Variants in ACTL8 observed in about 807,000 individuals in gnomAD.
ACTL8 encodes actin-like protein 8.
A neutral mutation model predicts 9.3 loss-of-function variants in ACTL8; 3 were observed. The ratio of observed to expected loss-of-function variants is 0.32; its 90% confidence interval spans 0.15 to 0.83. The LOEUF is 0.83. ACTL8 is among the 40% of genes least tolerant of loss of function. ACTL8 has a pLI of 0.57. For missense variants in ACTL8, 381 were observed against 492.2 expected (o/e 0.77, Z 2.14); for synonymous variants, 224 against 205.9 (o/e 1.09, Z -0.75).
intron 1 of ACTL8, among the ~76,000 whole-genome samples, chr1:17,760,183 G>C (rs993534139): frequency 6.6e-6 from 1 of 152,174 alleles, no homozygotes; most frequent in African/African-American, 2.4e-5. Flanking sequence ...CTTTGGGAAG[G>C]CCAGGCCACA....
chr1:17,806,747 T>C (rs554356), intron 1 of ACTL8, among the ~76,000 whole-genome samples: 84,999 of 152,172 alleles, frequency 0.56, 24,162 homozygotes, highest in East Asian at 0.75. Flanking sequence ...TAGATTCTTC[T>C]GCAGAGCCCT....
chr1:17,801,135 CTG>C (rs1252162036), intron 1 of ACTL8, among the ~76,000 whole-genome samples: 2 of 152,198 alleles, frequency 1.3e-5, no homozygotes, highest in African/African-American at 4.8e-5. Context: ...GTGTGCCAGA[CTG>C]TGTTGTAGGT....
At chr1:17,759,425 G>A (rs114123949) in intron 1 of ACTL8, among the ~76,000 whole-genome samples, 2,338 of 152,344 alleles carry the variant, frequency 0.015, 70 homozygotes, top group African/African-American at 0.053. Flanking sequence ...TTTGTAGTGG[G>A]TGCCTCTGGT....
At chr1:17,762,616 C>T (rs1388759339) in intron 1 of ACTL8, among the ~76,000 whole-genome samples, 1 of 152,172 alleles carries the variant, frequency 6.6e-6, no homozygotes, top group Non-Finnish European at 1.5e-5. Context: ...TGCACTGTGT[C>T]TGGAGCCCCT....
In ACTL8 at chr1:17,760,878, A is replaced by G. The variant is rs543382232; in HGVS notation, c.-25+5374A>G. ...AGTCAAATAAAATTTCCATCTGTTG[A>G]AGAATTTACGAGAGTTATTACTGGC... On this transcript the variant is annotated intron_variant, in intron 1 of 2. Transcript: ENST00000375406. 6.6e-5 allele frequency among the ~76,000 whole-genome samples: 10 copies of G among 152,320 alleles called. No homozygotes were observed. In the East Asian group the frequency reaches 1.9e-3, roughly 29 times the overall value.
chr1:17,769,057 C>G (rs895469095), intron 1 of ACTL8, among the ~76,000 whole-genome samples: 1 of 152,132 alleles, frequency 6.6e-6, no homozygotes, highest in Non-Finnish European at 1.5e-5. Context: ...GTGACTTGGA[C>G]AAAGTCACAT....
At chr1:17,802,058 G>T (rs1284011558) in intron 1 of ACTL8, among the ~76,000 whole-genome samples, 1 of 152,204 alleles carries the variant, frequency 6.6e-6, no homozygotes, top group Non-Finnish European at 1.5e-5. Flanking sequence ...AGCATGAAGA[G>T]AAACAAGAAA....
rs558322024 is a variant in ACTL8 at position 17,808,135 on chromosome 1, G to A, written c.-24-14850G>A. Among the ~76,000 whole-genome samples, 7 of 152,286 alleles carry A rather than the reference G, an allele frequency of 4.6e-5. No homozygotes were observed. In the South Asian group the frequency reaches 1.5e-3, roughly 32 times the overall value. ...AAAAGTGCTAAGTGGAAAGTTCCTT[G>A]CAAGATGTTTACAATCACAAAGCAA... On this transcript the variant is annotated intron_variant, in intron 1 of 2. Transcript: ENST00000375406.
At chr1:17,788,735 G>A (rs1423033460) in intron 1 of ACTL8, among the ~76,000 whole-genome samples, 1 of 152,240 alleles carries the variant, frequency 6.6e-6, no homozygotes, top group African/African-American at 2.4e-5. Flanking sequence ...CAATGGGCAT[G>A]TGGGGAGGTG....
intron 1 of ACTL8, among the ~76,000 whole-genome samples, chr1:17,775,854 C>A (rs970647857): frequency 6.6e-6 from 1 of 152,142 alleles, no homozygotes; most frequent in Admixed American, 6.5e-5. Flanking sequence ...GTAGACAGAC[C>A]AAGGCTAATG....
intron 1 of ACTL8, among the ~76,000 whole-genome samples, chr1:17,818,662 T>G (rs1465799253): frequency 6.6e-6 from 1 of 152,218 alleles, no homozygotes; most frequent in Non-Finnish European, 1.5e-5. Context: ...CCTCACTTCA[T>G]TCAGTTTTCT....
At chr1:17,801,526 TTATG>T (rs1284251772) in intron 1 of ACTL8, among the ~76,000 whole-genome samples, 1 of 152,218 alleles carries the variant, frequency 6.6e-6, no homozygotes, top group Admixed American at 6.5e-5. Flanking sequence ...AACTCATAAA[TTATG>T]TATTCCATAA....
intron 1 of ACTL8, among the ~76,000 whole-genome samples, chr1:17,819,813 T>C (rs1044650706): frequency 2.0e-5 from 3 of 152,064 alleles, no homozygotes; most frequent in African/African-American, 7.2e-5. Flanking sequence ...GGCGGATTGC[T>C]TGAGCCCGGG....
intron 1 of ACTL8, among the ~76,000 whole-genome samples, chr1:17,802,306 CG>C (rs1412800526): frequency 6.6e-5 from 10 of 152,104 alleles, no homozygotes; most frequent in Non-Finnish European, 1.0e-4. Context: ...GAAGTTGAGC[CG>C]GGGCTGCTGG....
At chr1:17,806,786 A>C (rs977820250) in intron 1 of ACTL8, among the ~76,000 whole-genome samples, 1 of 152,248 alleles carries the variant, frequency 6.6e-6, no homozygotes, top group African/African-American at 2.4e-5. Context: ...AGCAGGAGAG[A>C]AGTGGGAGCT....
chr1:17,804,160 T>A (rs1376066488), intron 1 of ACTL8, among the ~76,000 whole-genome samples: 1 of 152,212 alleles, frequency 6.6e-6, no homozygotes, highest in Non-Finnish European at 1.5e-5. Flanking sequence ...TCTGTGACAT[T>A]CTTGGCCCTG....
chr1:17,805,936 G>A (rs2066357361), intron 1 of ACTL8, among the ~76,000 whole-genome samples: 1 of 152,322 alleles, frequency 6.6e-6, no homozygotes, highest in East Asian at 1.9e-4. Flanking sequence ...GACAGGCTGG[G>A]AGGCCGTAGG....
At position 17,812,586 on chromosome 1, in the gene ACTL8, C is replaced by T. The variant is rs556189068; in HGVS notation, c.-24-10399C>T. ...CTGCGACTACAGGCGTACGCCACCA[C>T]GCCCTGTCAATTTTTTTTTTTTTTT... On this transcript the variant is annotated intron_variant, in intron 1 of 2. Transcript: ENST00000375406. Among the ~76,000 whole-genome samples the T allele has an allele frequency of 5.0e-4, 72 of 142,966 alleles. 1 individual carries two copies. Among genetic ancestry groups the T allele is most frequent in the South Asian group, 4.7e-4 (2 of 4,286 alleles). The allele number at this position is 142,966 out of a possible 152,430, so 93.8% of individuals were successfully genotyped here. A position where few individuals can be genotyped will look rare whatever the true frequency, so the allele number is the denominator to read the frequency against.
intron 1 of ACTL8, among the ~76,000 whole-genome samples, chr1:17,791,367 CTG>C (rs1482317812): frequency 3.3e-5 from 5 of 152,162 alleles, no homozygotes; most frequent in Non-Finnish European, 5.9e-5. Context: ...GAAGAGGAAA[CTG>C]TGTTCACAGA....
Sources: allele counts gnomAD v4.1 joint callset (sites outside exome capture counted in the v4.1 genomes callset), GRCh38; gene constraint gnomAD v4.1.1; transcripts MANE v1.5; gene names NCBI Gene and HGNC (gene_info 2026-07-23, HGNC 2026-07-21).